The following UBASH3A variants were observed in gnomAD, a reference collection of about 807,000 sequenced individuals.
UBASH3A encodes the protein ubiquitin associated and SH3 domain containing A.
UBASH3A carries 63 observed loss-of-function variants against 73.5 expected under a neutral mutation model. The ratio of observed to expected loss-of-function variants is 0.86; its 90% CI spans 0.70 to 1.06. The LOEUF is 1.06. UBASH3A is among the 50% of genes least tolerant of loss of function. UBASH3A has a pLI of 0.00. For missense variants in UBASH3A, 860 were observed against 859.0 expected (o/e 1.00, Z -0.02); for synonymous variants, 363 against 351.1 (o/e 1.03, Z -0.38).
intron 8 of UBASH3A, among the ~76,000 whole-genome samples, chr21:42,430,074 G>A (rs1456195102): frequency 2.0e-5 from 3 of 152,144 alleles, no homozygotes; most frequent in African/African-American, 7.2e-5. Context: ...TGCCCGTGGT[G>A]CTGACCCCGA....
intron 11 of UBASH3A, among the ~76,000 whole-genome samples, chr21:42,438,522 G>C (rs2053668714): frequency 6.6e-6 from 1 of 152,108 alleles, no homozygotes; most frequent in Non-Finnish European, 1.5e-5. Flanking sequence ...CGGGCTAGGG[G>C]GTCTCTTCCA....
At chr21:42,405,343 C>T (rs780342088) in intron 1 of UBASH3A, among the ~76,000 whole-genome samples, 3 of 152,160 alleles carry the variant, frequency 2.0e-5, no homozygotes, top group Non-Finnish European at 4.4e-5. Flanking sequence ...GCATTAGTGG[C>T]GGAGGTGGAA....
At chr21:42,429,413 T>C (rs1425346399) in intron 8 of UBASH3A, among the ~76,000 whole-genome samples, 2 of 152,210 alleles carry the variant, frequency 1.3e-5, no homozygotes, top group Non-Finnish European at 2.9e-5. Context: ...CCACAGGGCT[T>C]TCTTTTGCTT....
Position 42,434,521 on chromosome 21 carries a change from T to TA in UBASH3A, c.1271-310dup, listed in dbSNP as rs547589613. Among the ~76,000 whole-genome samples, 194 of 152,346 alleles carry TA rather than the reference T, an allele frequency of 1.3e-3. 2 individuals carry two copies. The highest frequency in any genetic ancestry group is 3.1e-4 in the Non-Finnish European group (21 of 68,024). On this transcript the variant is annotated intron_variant, in intron 9 of 14. Coordinates refer to ENST00000319294, the MANE Select transcript of UBASH3A (RefSeq NM_018961.4). ...CACTAAACTAGTCATAGAGACACTT[T>TA]ATCAGGTTCTTCATCAGGAAAATGT...
At chr21:42,423,345 C>T (rs1316751624) in intron 7 of UBASH3A, among the ~76,000 whole-genome samples, 1 of 152,196 alleles carries the variant, frequency 6.6e-6, no homozygotes, top group Admixed American at 6.5e-5. Flanking sequence ...TAGAGATAAC[C>T]GAAGGCAGCT....
At chr21:42,438,743 G>A (rs1282177435) in intron 11 of UBASH3A, among the ~76,000 whole-genome samples, 9 of 152,154 alleles carry the variant, frequency 5.9e-5, no homozygotes, top group Non-Finnish European at 1.2e-4. Flanking sequence ...CAAGGTCCAC[G>A]AGGGGGCTGC....
intron 11 of UBASH3A, among the ~76,000 whole-genome samples, chr21:42,438,971 G>A (rs117504117): frequency 0.016 from 2,453 of 152,206 alleles, 30 homozygotes; most frequent in Admixed American, 0.025. Context: ...ACGAGGGGCC[G>A]GGACCTTCAC....
Position 42,404,065 on chromosome 21 carries a change from A to G in UBASH3A, c.113+7A>G. ...GCTTCCCGGTGCACACCGCGTGAGT[A>G]CTGCCCAGAGACCCCGGGGCCCAGC... On this transcript the variant is annotated splice_region_variant and intron_variant, in intron 1 of 14. Transcript: ENST00000319294. 6.8e-7 allele frequency: 1 copy of G among 1,473,532 alleles called. No individual in the cohort carries two copies. Among genetic ancestry groups the G allele is most frequent in the South Asian group, 1.3e-5 (1 of 74,284 alleles). 91.3% of individuals were successfully genotyped at this position (1,473,532 alleles called of 1,614,324 possible). A position where few individuals can be genotyped will look rare whatever the true frequency, so the allele number is the denominator to read the frequency against.
In UBASH3A at chr21:42,418,360, A is replaced by C. The variant is rs112141973; in HGVS notation, c.838-41A>C. On this transcript the variant is annotated intron_variant, in intron 6 of 14. Coordinates refer to ENST00000319294, the MANE Select transcript of UBASH3A (RefSeq NM_018961.4). ...CTATTGCTGCCATTTTCCAATGTAA[A>C]TCTTTGCTCGAGACGTGAAACCCCT... The C allele has an allele frequency of 1.2e-3, 1,832 of 1,581,438 alleles. 17 individuals are homozygous for C. In the African/African-American group the frequency reaches 0.023, roughly 20 times the overall value.
chr21:42,413,100 C>A lies in UBASH3A; in HGVS notation c.431C>A (p.Thr144Lys), dbSNP rs150564154. 2 of 1,614,224 alleles carry A rather than the reference C, an allele frequency of 1.2e-6. No individual in the cohort carries two copies. The highest frequency in any genetic ancestry group is 1.3e-5 in the African/African-American group (1 of 75,054). Residue 144 changes from threonine to lysine, a missense_variant, in exon 4 of 15, where the codon ACG becomes AAG. By Grantham distance (78) the Thr-to-Lys change is moderately conservative. Transcript: ENST00000319294. The surrounding 1 kb of genome is among the most constrained non-coding windows in gnomAD (Gnocchi z 4.5). ...GACAGGCTCCTGGGCTCCTTCCCCA[C>A]GGCCGTGCCTCTGGCTCTCCACTCC... ...AGDRLLGSFP[T>K]AVPLALHSSI...
At chr21:42,408,532 C>A (rs2053023263) in intron 2 of UBASH3A, among the ~76,000 whole-genome samples, 1 of 152,166 alleles carries the variant, frequency 6.6e-6, no homozygotes, top group African/African-American at 2.4e-5. Flanking sequence ...TACCTATTGG[C>A]AAATTGCTTC....
In UBASH3A at chr21:42,413,385, AG is replaced by A; in HGVS notation, c.554-24del. The A allele has an allele frequency of 6.3e-7, 1 of 1,593,990 alleles. No individual in the cohort carries two copies. Among genetic ancestry groups the A allele is most frequent in the Non-Finnish European group, 8.6e-7 (1 of 1,166,114 alleles). On this transcript the variant is annotated intron_variant, in intron 4 of 14. Transcript: ENST00000319294. The surrounding 1 kb of genome is among the most constrained non-coding windows in gnomAD (Gnocchi z 4.5). ...GCTGGGTGGGCTTTCTTCCGGGCTC[AG>A]TGGCTGCACCTGTCCTCACCCAGGC...
intron 13 of UBASH3A, among the ~76,000 whole-genome samples, 200 bp from the exon 14 acceptor site, chr21:42,444,334 C>T (rs1038444378): frequency 6.6e-6 from 1 of 152,210 alleles, no homozygotes; most frequent in Non-Finnish European, 1.5e-5. Context: ...GCAGCTGCTG[C>T]GTGCAGAGGA....
rs182441705 is a variant in UBASH3A, at chr21:42,445,544, A to G, written c.1848+901A>G. Among the ~76,000 whole-genome samples, 710 of 152,334 alleles carry G rather than the reference A, an allele frequency of 4.7e-3. 5 individuals carry two copies. The highest frequency in any genetic ancestry group is 0.016 in the African/African-American group (684 of 41,582). ...TCAGAGGAGCCCAACTCCCGGGCCCAGCCCAGTGACACCAGCCAGGTGCCT... is the reference window on the plus strand; with the variant it reads ...TCAGAGGAGCCCAACTCCCGGGCCCGGCCCAGTGACACCAGCCAGGTGCCT... On this transcript the variant is annotated intron_variant, in intron 14 of 14. Coordinates refer to ENST00000319294, the MANE Select transcript of UBASH3A (RefSeq NM_018961.4).
At chr21:42,437,067 G>T (rs1398448725) in intron 10 of UBASH3A, among the ~76,000 whole-genome samples, 1 of 152,264 alleles carries the variant, frequency 6.6e-6, no homozygotes, top group Admixed American at 6.5e-5. Flanking sequence ...CTTGCTGGCT[G>T]TTAGCTGGGG....
At chr21:42,441,156 T>C (rs1314727174) in intron 11 of UBASH3A, among the ~76,000 whole-genome samples, 2 of 152,158 alleles carry the variant, frequency 1.3e-5, no homozygotes, top group Admixed American at 1.3e-4. Context: ...CAGTCTTCTT[T>C]ACAAGGCCTC....
intron 8 of UBASH3A, among the ~76,000 whole-genome samples, chr21:42,427,601 C>T (rs1427416193): frequency 6.6e-6 from 1 of 152,190 alleles, no homozygotes. Flanking sequence ...AAAACTGGGG[C>T]TCATGGAGGC....
chr21:42,442,320 A>G lies in UBASH3A; in HGVS notation c.1487-132A>G, dbSNP rs971541503. ...TAATCACAGAACGGTATTTGCCAAG[A>G]AGAAAATCACACTGTTTAAAAGGCA... On this transcript the variant is annotated intron_variant, in intron 11 of 14. Transcript: ENST00000319294. 13 of 971,150 alleles carry G rather than the reference A, an allele frequency of 1.3e-5. No individual in the cohort carries two copies. In the African/African-American group the frequency reaches 1.5e-4, roughly 11 times the overall value. 60.2% of individuals were successfully genotyped at this position (971,150 alleles called of 1,614,324 possible). A position where few individuals can be genotyped will look rare whatever the true frequency, so the allele number is the denominator to read the frequency against.
Position 42,440,436 on chromosome 21 carries a change from T to C in UBASH3A, c.1487-2016T>C, listed in dbSNP as rs111596568. ...ATAATTAACCAAACACCTATAATCA[T>C]AAGATGTGAACCAAGCAAGAAATGC... On this transcript the variant is annotated intron_variant, in intron 11 of 14. Coordinates refer to ENST00000319294, the MANE Select transcript of UBASH3A (RefSeq NM_018961.4). Among the ~76,000 whole-genome samples the C allele has an allele frequency of 4.9e-4, 74 of 152,300 alleles. 1 individual carries two copies. Among genetic ancestry groups the C allele is most frequent in the African/African-American group, 1.7e-3 (71 of 41,566 alleles).
Sources: allele counts gnomAD v4.1 joint callset (sites outside exome capture counted in the v4.1 genomes callset), GRCh38; gene constraint gnomAD v4.1.1; non-coding constraint Gnocchi (gnomAD v3.1); transcripts MANE v1.5; gene names NCBI Gene and HGNC (gene_info 2026-07-23, HGNC 2026-07-21).